NUMA1: variants seen among roughly 807,000 people sequenced by gnomAD.
The protein encoded by NUMA1 is SP-H antigen.
Under a neutral mutation model 237.1 loss-of-function variants are expected in NUMA1, and 62 were observed. The ratio of observed to expected loss-of-function variants is 0.26; its 90% CI spans 0.21 to 0.32. NUMA1 has a LOEUF of 0.32. Among genes scored for constraint, NUMA1 ranks in the 10% least tolerant of loss-of-function variants. The pLI, the probability that NUMA1 is intolerant of heterozygous loss-of-function variation, is 1.00. For missense variants in NUMA1, 2,533 were observed against 2,666.5 expected (o/e 0.95, Z 1.10); for synonymous variants, 1,028 against 1,066.1 (o/e 0.96, Z 0.70).
At chr11:72,057,157 C>G (rs1942701326) in intron 2 of NUMA1, among the ~76,000 whole-genome samples, 1 of 151,302 alleles carries the variant, frequency 6.6e-6, no homozygotes, top group Admixed American at 6.6e-5. Flanking sequence ...TGTGGGATAA[C>G]AGATTTGTGA....
intron 2 of NUMA1, 56 bp from the exon 3 acceptor site, chr11:72,036,031 G>T: frequency 7.3e-7 from 1 of 1,362,188 alleles, no homozygotes; most frequent in Non-Finnish European, 1.0e-6. Flanking sequence ...CCATGATCAA[G>T]AAATAAAGGC....
At chr11:72,037,286 G>C (rs527779922) in intron 2 of NUMA1, among the ~76,000 whole-genome samples, 2 of 152,114 alleles carry the variant, frequency 1.3e-5, no homozygotes, top group Non-Finnish European at 2.9e-5. Context: ...CGGGTGGATC[G>C]CAAGGTCAGG....
At chr11:72,048,277 C>CTA (rs1370208516) in intron 2 of NUMA1, among the ~76,000 whole-genome samples, 1 of 151,064 alleles carries the variant, frequency 6.6e-6, no homozygotes, top group Non-Finnish European at 1.5e-5. Flanking sequence ...ATATTATTGT[C>CTA]TACAGCTGTT....
Position 72,013,283 on chromosome 11 carries a change from C to A in NUMA1, c.4220G>T (p.Gly1407Val). The A allele has an allele frequency of 6.2e-7, 1 of 1,604,466 alleles. No individual in the cohort carries two copies. The highest frequency in any genetic ancestry group is 8.5e-7 in the Non-Finnish European group (1 of 1,179,794). ...CTTCTGCCGCAGAGGAATCAGCTCC[C>A]CAAGCTCCCGCTGGGCCCGCAGCAG... Reference protein sequence around the residue: ...AELLRAQRELGELIPLRQKVA... With the variant: ...AELLRAQRELVELIPLRQKVA... The change falls in exon 15 of 27, where the codon GGG (glycine) becomes GTG (valine). Residue 1407 changes from glycine (G) to valine (V), a missense_variant. Transcript: ENST00000393695. The surrounding 1 kb of genome is among the most constrained non-coding windows in gnomAD (Gnocchi z 6.8).
At chr11:72,011,698 C>T (rs761459053) in intron 16 of NUMA1, among the ~76,000 whole-genome samples, 1 of 152,086 alleles carries the variant, frequency 6.6e-6, no homozygotes, top group Non-Finnish European at 1.5e-5. Flanking sequence ...TCTATAGCCT[C>T]GATGTCTCAG....
rs751006316 is a variant in NUMA1, at chr11:72,014,699, C to A, written c.2804G>T (p.Arg935Leu). 1.2e-6 allele frequency: 2 copies of A among 1,613,746 alleles called. No individual in the cohort carries two copies. Among genetic ancestry groups the A allele is most frequent in the Non-Finnish European group, 8.5e-7 (1 of 1,180,052 alleles). The change falls in exon 15 of 27, where the codon CGG becomes CTG. Residue 935 changes from arginine (R) to leucine (L), a missense_variant. By Grantham distance (102) the Arg-to-Leu change is moderately radical (BLOSUM62 -2). Transcript: ENST00000393695. The surrounding 1 kb of genome is among the most constrained non-coding windows in gnomAD (Gnocchi z 4.6). ...CCTCGCAGGCTCCTTGACTAACTCCCGGGAGGCTGTTTCCTGCTGCTCACC... is the reference window on the plus strand; with the variant it reads ...CCTCGCAGGCTCCTTGACTAACTCCAGGGAGGCTGTTTCCTGCTGCTCACC... ...KAGEQQETASRELVKEPARAG... is the reference protein window; with the variant it reads ...KAGEQQETASLELVKEPARAG...
At chr11:72,073,150 G>C (rs553621433) in intron 1 of NUMA1, among the ~76,000 whole-genome samples, 1 of 150,650 alleles carries the variant, frequency 6.6e-6, no homozygotes, top group South Asian at 2.1e-4. Context: ...CTTGAGCTCA[G>C]GTGTTCAAGA....
chr11:72,024,651 G>A, intron 4 of NUMA1: 1 of 395,692 alleles, frequency 2.5e-6, no homozygotes, highest in South Asian at 2.4e-5. Flanking sequence ...AGGAGACGGA[G>A]GCAGCACAGA....
chr11:72,008,768 G>A lies in NUMA1; in HGVS notation c.5136C>T (p.Pro1712=), dbSNP rs776645878. 6.8e-6 allele frequency: 11 copies of A among 1,614,108 alleles called. No individual in the cohort carries two copies. The highest frequency in any genetic ancestry group is 1.1e-5 in the South Asian group (1 of 91,076). The change falls in exon 20 of 27, where the codon CCC becomes CCT. Residue 1712 remains proline, a synonymous_variant. Coordinates refer to ENST00000393695, the MANE Select transcript of NUMA1 (RefSeq NM_006185.4). ...TCAAGTCCAGCTGGGGCTTAGCCTG[G>A]GGCTCACGGCTCTTTAAAGCATCAG... ...VATDALKSRE[P]QAKPQLDLSI...
At chr11:72,019,286 G>A (rs1157330082) in intron 9 of NUMA1, among the ~76,000 whole-genome samples, 1 of 152,160 alleles carries the variant, frequency 6.6e-6, no homozygotes, top group African/African-American at 2.4e-5. Context: ...TCCATAAACA[G>A]GGAACAGCTT....
rs918454674 is a variant in NUMA1 at position 72,080,504 on chromosome 11, C to T, written c.-149G>A. ...GCCTCGCGATTCTCCGGAATCGTACCTCTTCGTGGGCTCGCGCCAGCGCTG... is the reference window on the plus strand; with the variant it reads ...GCCTCGCGATTCTCCGGAATCGTACTTCTTCGTGGGCTCGCGCCAGCGCTG... On this transcript the variant is annotated 5_prime_UTR_variant, in exon 1 of 27. Coordinates refer to ENST00000393695, the MANE Select transcript of NUMA1 (RefSeq NM_006185.4). 6.6e-6 allele frequency: 1 copy of T among 152,126 alleles called. No homozygotes were observed. Among genetic ancestry groups the T allele is most frequent in the African/African-American group, 2.4e-5 (1 of 41,418 alleles). 9.4% of individuals were successfully genotyped at this position (152,126 alleles called of 1,614,324 possible).
intron 3 of NUMA1, among the ~76,000 whole-genome samples, chr11:72,033,980 G>A (rs1413231141): frequency 6.6e-6 from 1 of 152,094 alleles, no homozygotes; most frequent in Admixed American, 6.5e-5. Flanking sequence ...AATTAGCATG[G>A]CATGTACCCC....
chr11:72,023,253 T>C, intron 5 of NUMA1, 106 bp from the exon 6 acceptor site: 1 of 815,470 alleles, frequency 1.2e-6, no homozygotes, highest in East Asian at 2.4e-5. Context: ...CTGGTGGGGC[T>C]ATGAGATGTA....
At chr11:72,008,891 A>G in intron 19 of NUMA1, 46 bp from the exon 20 acceptor site, 1 of 1,613,338 alleles carries the variant, frequency 6.2e-7, no homozygotes, top group South Asian at 1.1e-5. Context: ...AGCCTAAGGC[A>G]GCAGTGGCCT....
intron 22 of NUMA1, chr11:72,005,672 T>A: frequency 2.0e-6 from 1 of 496,050 alleles, no homozygotes; most frequent in Non-Finnish European, 3.5e-6. Context: ...GACCGGGAAT[T>A]AATTCCCAGG....
At chr11:72,021,565 G>A (rs1442028367) in intron 7 of NUMA1, among the ~76,000 whole-genome samples, 1 of 152,202 alleles carries the variant, frequency 6.6e-6, no homozygotes, top group Non-Finnish European at 1.5e-5. Flanking sequence ...GACCACAAGT[G>A]AAGTGACTGT....
chr11:72,017,493 T>TG (rs976116775), intron 13 of NUMA1, 194 bp downstream of exon 13: 17 of 521,986 alleles, frequency 3.3e-5, no homozygotes, highest in East Asian at 2.2e-4. Context: ...GGGCATTGAC[T>TG]GGGGAAAAAA....
At chr11:72,080,075 T>C (rs1224963907) in intron 1 of NUMA1, among the ~76,000 whole-genome samples, 5 of 152,170 alleles carry the variant, frequency 3.3e-5, no homozygotes, top group African/African-American at 1.2e-4. Context: ...TTGTGGACGG[T>C]GTAGCTCAGA....
chr11:72,063,986 A>C (rs1265935032), intron 2 of NUMA1, among the ~76,000 whole-genome samples: 1 of 152,058 alleles, frequency 6.6e-6, no homozygotes, highest in Non-Finnish European at 1.5e-5. Flanking sequence ...CTTTCATCAA[A>C]TAATTCCAAT....
Sources: allele counts gnomAD v4.1 joint callset (sites outside exome capture counted in the v4.1 genomes callset), GRCh38; gene constraint gnomAD v4.1.1; non-coding constraint Gnocchi (gnomAD v3.1); transcripts MANE v1.5; gene names NCBI Gene and HGNC (gene_info 2026-07-23, HGNC 2026-07-21).